NKX2-6: variants seen among roughly 807,000 people sequenced by gnomAD.
NKX2-6 encodes NK2 homeobox 6.
Under a neutral mutation model 8.6 loss-of-function variants are expected in NKX2-6, and 8 were observed. That is an observed-to-expected ratio of 0.93 (90% CI 0.54 to 1.67). The LOEUF (loss-of-function observed/expected upper bound fraction) is 1.67, where lower values mean the gene tolerates loss of function less well. NKX2-6 is among the 40% of genes most tolerant of loss of function. The pLI is 0.00. For missense variants in NKX2-6, 475 were observed against 423.1 expected (o/e 1.12, Z -1.08); for synonymous variants, 210 against 199.3 (o/e 1.05, Z -0.45).
rs1042025200 is a variant in NKX2-6, at chr8:23,702,410, C to G, written c.*41G>C. Reference sequence around the variant, plus strand: ...GACCTGCGGGCGGAGGGGAAGGGAACGAGCATCTGGCCCTGGTTGGCAGAG... The same window carrying G: ...GACCTGCGGGCGGAGGGGAAGGGAAGGAGCATCTGGCCCTGGTTGGCAGAG... On this transcript the variant is annotated 3_prime_UTR_variant, in exon 2 of 2. Coordinates refer to ENST00000325017, the MANE Select transcript of NKX2-6 (RefSeq NM_001136271.3). 2.1e-6 allele frequency: 3 copies of G among 1,425,692 alleles called. No individual in the cohort carries two copies. Among genetic ancestry groups the G allele is most frequent in the Non-Finnish European group, 1.8e-6 (2 of 1,090,884 alleles). 88.3% of individuals were successfully genotyped at this position (1,425,692 alleles called of 1,614,324 possible).
chr8:23,706,223 C>G (rs1007851673), intron 1 of NKX2-6, 102 bp downstream of exon 1: 3 of 1,246,638 alleles, frequency 2.4e-6, no homozygotes, highest in African/African-American at 3.0e-5. Flanking sequence ...GAGAGAGTCT[C>G]GAACCCAGGA....
Position 23,702,447 on chromosome 8 carries a change from A to G in NKX2-6, c.*4T>C. 3 of 1,447,816 alleles carry G rather than the reference A, an allele frequency of 2.1e-6. No homozygotes were observed. The highest frequency in any genetic ancestry group is 1.8e-6 in the Non-Finnish European group (2 of 1,100,122). The allele number at this position is 1,447,816 out of a possible 1,614,324, so 89.7% of individuals were successfully genotyped here. A position where few individuals can be genotyped will look rare whatever the true frequency, so the allele number is the denominator to read the frequency against. On this transcript the variant is annotated 3_prime_UTR_variant, in exon 2 of 2. Coordinates refer to ENST00000325017, the MANE Select transcript of NKX2-6 (RefSeq NM_001136271.3). ...CCTGGTTGGCAGAGTCAAGCCGAGGAGCCTCACCAGGCCCTGACACCCTGC... is the reference window on the plus strand; with the variant it reads ...CCTGGTTGGCAGAGTCAAGCCGAGGGGCCTCACCAGGCCCTGACACCCTGC...
In NKX2-6 at chr8:23,702,624, C is replaced by G; in HGVS notation, c.733G>C (p.Gly245Arg). 1.9e-6 allele frequency: 3 copies of G among 1,549,004 alleles called. No individual in the cohort carries two copies. The highest frequency in any genetic ancestry group is 2.4e-5 in the East Asian group (1 of 40,824). The part of the protein sequence containing the change: ...SAAVSPYSCY[G>R]GYSGAPYGAG... ...CCGTAGGGTGCTCCGCTGTAGCCTCCGTAGCAAGAGTAGGGCGACACTGCT... is the reference window on the plus strand; with the variant it reads ...CCGTAGGGTGCTCCGCTGTAGCCTCGGTAGCAAGAGTAGGGCGACACTGCT... The change falls in exon 2 of 2, where the codon GGA becomes CGA. Residue 245 changes from glycine (G) to arginine (R), a missense_variant. By Grantham distance (125) the Gly-to-Arg change is moderately radical. Transcript: ENST00000325017.
At position 23,703,034 on chromosome 8, in the gene NKX2-6, G is replaced by A. The variant is rs1380490100; in HGVS notation, c.323C>T (p.Pro108Leu). 6 of 1,540,864 alleles carry A rather than the reference G, an allele frequency of 3.9e-6. No homozygotes were observed. The highest frequency in any genetic ancestry group is 5.2e-6 in the Non-Finnish European group (6 of 1,146,164). The change falls in exon 2 of 2, where the codon CCA (proline) becomes CTA (leucine). Residue 108 changes from proline (P) to leucine (L), a missense_variant. Pro to Leu is a moderately conservative substitution (Grantham distance 98). Transcript: ENST00000325017. ...ASPLGGGTRVPERGVGNSGDS... is the reference protein window; with the variant it reads ...ASPLGGGTRVLERGVGNSGDS... ...GCCGCTGTTGCCAACGCCGCGCTCT[G>A]GCACCCTGGTCCCGCCGCCGAGGGG...
At chr8:23,706,267 A>C in intron 1 of NKX2-6, 58 bp downstream of exon 1, 7 of 1,459,396 alleles carry the variant, frequency 4.8e-6, no homozygotes, top group Non-Finnish European at 6.4e-6. Flanking sequence ...GCACCCATGG[A>C]TCACGCCCCC....
At position 23,702,535 on chromosome 8, in the gene NKX2-6, G is replaced by A. The variant is rs1350058307; in HGVS notation, c.822C>T (p.Ala274=). 1 of 1,542,346 alleles carries A rather than the reference G, an allele frequency of 6.5e-7. No individual in the cohort carries two copies. The highest frequency in any genetic ancestry group is 1.2e-5 in the South Asian group (1 of 83,940). The change falls in exon 2 of 2, where the codon GCC becomes GCT. Residue 274 remains alanine, a synonymous_variant. Coordinates refer to ENST00000325017, the MANE Select transcript of NKX2-6 (RefSeq NM_001136271.3). ...GGCCACCGTGTCCGAAGCCCGCGCT[G>A]GCCAGTGGTGTGTGTGGCGCAGGAC... The part of the protein sequence containing the change: ...PSGPAPHTPL[A]SAGFGHGGQN...
chr8:23,706,437 C>T lies in NKX2-6; in HGVS notation c.162G>A (p.Glu54=), dbSNP rs1450454303. ...CGCCGCCGCCACCAGCGTTGTGAAC[C>T]TCTGACCCTCGCGGCTCTGCGTCCA... ...LRMDAEPRGS[E]VHNAGGGGGD... is the part of the protein sequence containing the mutation. Residue 54 remains glutamate (E), a synonymous_variant, in exon 1 of 2, where the codon GAG becomes GAA. Transcript: ENST00000325017. The T allele has an allele frequency of 6.5e-7, 1 of 1,549,252 alleles. No homozygotes were observed. The highest frequency in any genetic ancestry group is 8.7e-7 in the Non-Finnish European group (1 of 1,147,000).
Position 23,702,984 on chromosome 8 carries a change from C to G in NKX2-6, c.373G>C (p.Glu125Gln). The G allele has an allele frequency of 6.5e-6, 10 of 1,542,888 alleles. No individual in the cohort carries two copies. The South Asian group carries it at 9.5e-5, about 15-fold the overall frequency. ...CGTCGTTGCCGCGCCTTGGGCTGCT[C>G]CGAGCGGCCACCCCGCACGCTGTCG... The part of the protein sequence containing the change: ...SGDSVRGGRS[E>Q]QPKARQRRKP... The change falls in exon 2 of 2, where the codon GAG becomes CAG. Residue 125 changes from glutamate to glutamine, a missense_variant. Coordinates refer to ENST00000325017, the MANE Select transcript of NKX2-6 (RefSeq NM_001136271.3).
rs955480006 is a variant in NKX2-6 at position 23,702,087 on chromosome 8, C to T, written c.*364G>A. 3.3e-5 allele frequency among the ~76,000 whole-genome samples: 5 copies of T among 152,164 alleles called. No homozygotes were observed. Among genetic ancestry groups the T allele is most frequent in the African/African-American group, 1.2e-4 (5 of 41,430 alleles). ...TCACCATCTCCATTCACCGCCGATG[C>T]CCCGGGGCTGCTGCGTACAGATGCA... On this transcript the variant is annotated 3_prime_UTR_variant, in exon 2 of 2. Transcript: ENST00000325017.
Position 23,702,600 on chromosome 8 carries a change from C to G in NKX2-6, c.757G>C (p.Gly253Arg). Residue 253 changes from glycine to arginine, a missense_variant, in exon 2 of 2, where the codon GGC becomes CGC. Coordinates refer to ENST00000325017, the MANE Select transcript of NKX2-6 (RefSeq NM_001136271.3). ...CYGGYSGAPYGAGYGTCYAGA... is the reference protein window; with the variant it reads ...CYGGYSGAPYRAGYGTCYAGA... The stretch of plus-strand genomic sequence containing the variant: ...GCGTAGCAGGTGCCGTAGCCTGCGC[C>G]GTAGGGTGCTCCGCTGTAGCCTCCG... The G allele has an allele frequency of 6.5e-7, 1 of 1,547,100 alleles. No homozygotes were observed. Among genetic ancestry groups the G allele is most frequent in the Non-Finnish European group, 8.7e-7 (1 of 1,146,262 alleles).
Position 23,702,998 on chromosome 8 carries a change from C to G in NKX2-6, c.359G>C (p.Arg120Pro), listed in dbSNP as rs61743032. 2.4e-3 allele frequency: 3,650 copies of G among 1,541,048 alleles called. 84 individuals are homozygous for G. The African/African-American group carries it at 0.043, about 18-fold the overall frequency. Reference protein sequence around the residue: ...RGVGNSGDSVRGGRSEQPKAR... With the variant: ...RGVGNSGDSVPGGRSEQPKAR... Reference sequence around the variant, plus strand: ...CTTGGGCTGCTCCGAGCGGCCACCCCGCACGCTGTCGCCGCTGTTGCCAAC... The same window carrying G: ...CTTGGGCTGCTCCGAGCGGCCACCCGGCACGCTGTCGCCGCTGTTGCCAAC... Residue 120 changes from arginine (R) to proline (P), a missense_variant, in exon 2 of 2, where the codon CGG becomes CCG. Arg to Pro is a moderately radical substitution (Grantham distance 103, BLOSUM62 -2). Coordinates refer to ENST00000325017, the MANE Select transcript of NKX2-6 (RefSeq NM_001136271.3).
intron 1 of NKX2-6, among the ~76,000 whole-genome samples, chr8:23,705,184 C>T (rs1040239373): frequency 3.3e-5 from 5 of 152,368 alleles, no homozygotes; most frequent in East Asian, 1.9e-4. Context: ...AAGTGATCGC[C>T]GAGTTGGCTG....
rs1344003392 is a variant in NKX2-6, at chr8:23,702,293, C to T, written c.*158G>A. Reference sequence around the variant, plus strand: ...CCAGGCGGGGCCTTTAACTGGGTGACTGTGGTGCAGATCGCAGTTTCAGAG... The same window carrying T: ...CCAGGCGGGGCCTTTAACTGGGTGATTGTGGTGCAGATCGCAGTTTCAGAG... On this transcript the variant is annotated 3_prime_UTR_variant, in exon 2 of 2. Coordinates refer to ENST00000325017, the MANE Select transcript of NKX2-6 (RefSeq NM_001136271.3). 6.6e-6 allele frequency among the ~76,000 whole-genome samples: 1 copy of T among 152,220 alleles called. No homozygotes were observed. The highest frequency in any genetic ancestry group is 2.4e-5 in the African/African-American group (1 of 41,456).
rs936421503 is a variant in NKX2-6 at position 23,702,659 on chromosome 8, G to T, written c.698C>A (p.Pro233His). The T allele has an allele frequency of 1.3e-6, 2 of 1,550,542 alleles. No homozygotes were observed. Among genetic ancestry groups the T allele is most frequent in the Non-Finnish European group, 1.7e-6 (2 of 1,146,572 alleles). ...PGPGAPAFPS[P>H]YSAAVSPYSC... is the part of the protein sequence containing the mutation. ...GTAGGGCGACACTGCTGCACTGTAG[G>T]GGCTGGGGAAGGCAGGTGCGCCGGG... Residue 233 changes from proline (P) to histidine (H), a missense_variant, in exon 2 of 2, where the codon CCC (proline) becomes CAC (histidine). Transcript: ENST00000325017.
chr8:23,702,951 G>T lies in NKX2-6; in HGVS notation c.406C>A (p.Arg136Ser). ...QPKARQRRKP[R>S]VLFSQAQVLA... ...ACCTGCGCCTGCGAAAAGAGCACGC[G>T]CGGCTTCCGTCGTTGCCGCGCCTTG... Residue 136 changes from arginine to serine, a missense_variant, in exon 2 of 2, where the codon CGC (arginine) becomes AGC (serine). Physicochemically the swap from Arg to Ser is moderately radical, Grantham distance 110. Coordinates refer to ENST00000325017, the MANE Select transcript of NKX2-6 (RefSeq NM_001136271.3). 6.5e-7 allele frequency: 1 copy of T among 1,547,840 alleles called. No homozygotes were observed. The highest frequency in any genetic ancestry group is 1.2e-5 in the South Asian group (1 of 83,908).
chr8:23,706,669 G>T lies in NKX2-6; in HGVS notation c.-71C>A. ...GGCACCCTGAACTTCCCGTCTTGTC[G>T]CTGCAGGCCCCGCAGACAGACCCAA... On this transcript the variant is annotated 5_prime_UTR_variant, in exon 1 of 2. Transcript: ENST00000325017. The T allele has an allele frequency of 2.1e-6, 3 of 1,437,460 alleles. No individual in the cohort carries two copies. The highest frequency in any genetic ancestry group is 1.9e-6 in the Non-Finnish European group (2 of 1,078,730). The allele number at this position is 1,437,460 out of a possible 1,614,324, so 89.0% of individuals were successfully genotyped here.
At position 23,702,678 on chromosome 8, in the gene NKX2-6, C is replaced by A; in HGVS notation, c.679G>T (p.Ala227Ser). 6.4e-7 allele frequency: 1 copy of A among 1,550,770 alleles called. No homozygotes were observed. The highest frequency in any genetic ancestry group is 8.7e-7 in the Non-Finnish European group (1 of 1,146,588). The change falls in exon 2 of 2, where the codon GCA becomes TCA. Residue 227 changes from alanine to serine, a missense_variant. By Grantham distance (99) the Ala-to-Ser change is moderately conservative. Coordinates refer to ENST00000325017, the MANE Select transcript of NKX2-6 (RefSeq NM_001136271.3). ...CTGTAGGGGCTGGGGAAGGCAGGTG[C>A]GCCGGGCCCGGGGCCCAGGCAGGGC... ...GKPCLGPGPGAPAFPSPYSAA... is the reference protein window; with the variant it reads ...GKPCLGPGPGSPAFPSPYSAA...
Position 23,702,932 on chromosome 8 carries a change from G to A in NKX2-6, c.425C>T (p.Ala142Val), listed in dbSNP as rs1478146053. ...GCGCCGCTCCAGGGCCAGCACCTGCGCCTGCGAAAAGAGCACGCGCGGCTT... is the reference window on the plus strand; with the variant it reads ...GCGCCGCTCCAGGGCCAGCACCTGCACCTGCGAAAAGAGCACGCGCGGCTT... ...RRKPRVLFSQ[A>V]QVLALERRFK... The change falls in exon 2 of 2, where the codon GCG becomes GTG. Residue 142 changes from alanine to valine, a missense_variant. Transcript: ENST00000325017. The A allele has an allele frequency of 6.5e-7, 1 of 1,549,940 alleles. No individual in the cohort carries two copies. Among genetic ancestry groups the A allele is most frequent in the East Asian group, 2.4e-5 (1 of 40,906 alleles).
rs1481226958 is a variant in NKX2-6, at chr8:23,702,198, G to A, written c.*253C>T. Reference sequence around the variant, plus strand: ...ACACCCCAAACTGCCAGCCAGCCTTGGTGTTCTTCAGTCCCTGTGTTGCTT... The same window carrying A: ...ACACCCCAAACTGCCAGCCAGCCTTAGTGTTCTTCAGTCCCTGTGTTGCTT... On this transcript the variant is annotated 3_prime_UTR_variant, in exon 2 of 2. Transcript: ENST00000325017. Among the ~76,000 whole-genome samples, 5 of 152,198 alleles carry A rather than the reference G, an allele frequency of 3.3e-5. No homozygotes were observed. Among genetic ancestry groups the A allele is most frequent in the South Asian group, 4.1e-4 (2 of 4,828 alleles).
Sources: allele counts gnomAD v4.1 joint callset (sites outside exome capture counted in the v4.1 genomes callset), GRCh38; gene constraint gnomAD v4.1.1; transcripts MANE v1.5; gene names NCBI Gene and HGNC (gene_info 2026-07-23, HGNC 2026-07-21).